Variants in PRSS23 observed in about 807,000 individuals in gnomAD.
The protein encoded by PRSS23 is serine protease 23, also known as protease, serine 23.
A neutral mutation model predicts 34.7 loss-of-function variants in PRSS23; 25 were observed. The ratio of observed to expected loss-of-function variants is 0.72; its 90% confidence interval spans 0.53 to 1.01. The LOEUF is 1.01. Among genes scored for constraint, PRSS23 ranks in the 50% least tolerant of loss-of-function variants. PRSS23 has a pLI of 0.00. For missense variants in PRSS23, 445 were observed against 475.6 expected, an observed-to-expected ratio of 0.94 and a Z score of 0.60; for synonymous variants, 176 against 186.6, an observed-to-expected ratio of 0.94 and a Z score of 0.46.
Position 86,940,415 on chromosome 11 carries a change from G to A in PRSS23, c.207-10801G>A, listed in dbSNP as rs1322908890. On this transcript the variant is annotated intron_variant, in intron 2 of 2. Coordinates refer to the PRSS23 transcript ENST00000533902. ...AGCTACAGAGGACACAATTTGTTGTGGCTTCTCTGAAAATCACCCCCTCCT... is the reference window on the plus strand; with the variant it reads ...AGCTACAGAGGACACAATTTGTTGTAGCTTCTCTGAAAATCACCCCCTCCT... Among the ~76,000 whole-genome samples, 3 of 152,076 alleles carry A rather than the reference G, an allele frequency of 2.0e-5. No individual in the cohort carries two copies. The East Asian group carries it at 5.8e-4, about 29-fold the overall frequency.
intron 2 of PRSS23, among the ~76,000 whole-genome samples, chr11:86,873,256 G>GTGTGTATATATA (rs142908794): frequency 1.7e-5 from 2 of 121,160 alleles, no homozygotes; most frequent in African/African-American, 7.2e-5. Context: ...ACATATATAT[G>GTGTGTATATATA]TATATATATA....
chr11:86,914,602 A>C (rs1256729545), intron 2 of PRSS23, among the ~76,000 whole-genome samples: 2 of 152,240 alleles, frequency 1.3e-5, no homozygotes, highest in East Asian at 3.8e-4. Flanking sequence ...ACTGTCTTTG[A>C]AAAAAGTACC....
intron 2 of PRSS23, among the ~76,000 whole-genome samples, chr11:86,886,949 T>A (rs1470673985): frequency 1.3e-5 from 2 of 151,866 alleles, no homozygotes; most frequent in African/African-American, 2.4e-5. Context: ...TCTAAAAAAA[T>A]AAATAAATAA....
chr11:86,949,610 AGAG>A (rs1949272845), intron 2 of PRSS23: 1 of 152,702 alleles, frequency 6.5e-6, no homozygotes, highest in Non-Finnish European at 1.5e-5. Flanking sequence ...TACAGTTTTA[AGAG>A]AAGTGCAATT....
intron 1 of PRSS23, among the ~76,000 whole-genome samples, chr11:86,802,148 C>T (rs1018409337): frequency 6.6e-6 from 1 of 152,188 alleles, no homozygotes; most frequent in African/African-American, 2.4e-5. Flanking sequence ...TTTCATCCAC[C>T]AGGCATTATT....
chr11:86,919,791 G>A (rs747008347), intron 2 of PRSS23, among the ~76,000 whole-genome samples: 5 of 152,132 alleles, frequency 3.3e-5, no homozygotes, highest in Non-Finnish European at 7.3e-5. Flanking sequence ...GGTTCTCCTT[G>A]AGCCATGTCT....
chr11:86,925,965 C>T (rs1414298692), intron 2 of PRSS23, among the ~76,000 whole-genome samples: 1 of 152,176 alleles, frequency 6.6e-6, no homozygotes, highest in African/African-American at 2.4e-5. Flanking sequence ...GTGACTGAGC[C>T]TCAGAGCTTT....
At chr11:86,855,582 G>A (rs912539498) in intron 2 of PRSS23, among the ~76,000 whole-genome samples, 3 of 152,126 alleles carry the variant, frequency 2.0e-5, no homozygotes, top group African/African-American at 7.2e-5. Context: ...TGCAACCTCT[G>A]CCTCCTAGTT....
chr11:86,905,086 C>A (rs181414115), intron 2 of PRSS23, among the ~76,000 whole-genome samples: 50 of 151,966 alleles, frequency 3.3e-4, no homozygotes, highest in Middle Eastern at 3.4e-3. Context: ...ACAAAAAAAC[C>A]CATTTATTTT....
intron 2 of PRSS23, among the ~76,000 whole-genome samples, chr11:86,860,583 G>A (rs552003084): frequency 2.7e-4 from 41 of 151,974 alleles, no homozygotes; most frequent in African/African-American, 9.4e-4. Flanking sequence ...TATCACAAGA[G>A]GTGTACATCC....
intron 2 of PRSS23, chr11:86,833,489 A>G (rs1948377644): frequency 3.1e-6 from 1 of 324,578 alleles, no homozygotes; most frequent in South Asian, 3.4e-5. Context: ...ATATATATAT[A>G]TTTACTGTTG....
intron 2 of PRSS23, among the ~76,000 whole-genome samples, chr11:86,874,950 C>T (rs1948712480): frequency 6.6e-6 from 1 of 152,208 alleles, no homozygotes; most frequent in Non-Finnish European, 1.5e-5. Context: ...CACATGTCTT[C>T]TCCATGTGGC....
chr11:86,875,103 A>G (rs1948713874), intron 2 of PRSS23, among the ~76,000 whole-genome samples: 1 of 152,240 alleles, frequency 6.6e-6, no homozygotes, highest in Admixed American at 6.5e-5. Context: ...ACCCAGTCTC[A>G]CAACTGCTGT....
intron 2 of PRSS23, among the ~76,000 whole-genome samples, chr11:86,941,513 T>C (rs991575280): frequency 3.9e-5 from 6 of 152,248 alleles, no homozygotes; most frequent in Admixed American, 2.6e-4. Flanking sequence ...GTAGAGGATT[T>C]GTTTTTCCAC....
At position 86,930,986 on chromosome 11, in the gene PRSS23, G is replaced by A. The variant is rs186456754; in HGVS notation, c.207-20230G>A. Among the ~76,000 whole-genome samples, 80 of 152,278 alleles carry A rather than the reference G, an allele frequency of 5.3e-4. 3 individuals carry two copies. The highest frequency in any genetic ancestry group is 2.1e-4 in the South Asian group (1 of 4,826). On this transcript the variant is annotated intron_variant, in intron 2 of 2. Transcript: ENST00000533902. ...GTGAGGGCCAAATTGTGCAGGCTAC[G>A]TGAAAAATGTCTGGACTTGCTCCTA...
At chr11:86,891,261 C>A (rs1386097294) in intron 2 of PRSS23, among the ~76,000 whole-genome samples, 1 of 152,170 alleles carries the variant, frequency 6.6e-6, no homozygotes, top group Non-Finnish European at 1.5e-5. Context: ...GGATAATTAC[C>A]TCAAGCCTAA....
At chr11:86,941,607 G>A (rs1021737400) in intron 2 of PRSS23, among the ~76,000 whole-genome samples, 2 of 152,108 alleles carry the variant, frequency 1.3e-5, no homozygotes, top group African/African-American at 2.4e-5. Flanking sequence ...GTTGGACTTC[G>A]TATTTCCTAG....
chr11:86,819,028 A>G (rs2134871026), intron 1 of PRSS23, among the ~76,000 whole-genome samples: 1 of 152,306 alleles, frequency 6.6e-6, no homozygotes, highest in East Asian at 1.9e-4. Flanking sequence ...CTGTGTCTTG[A>G]AAATGCCAAT....
chr11:86,800,684 G>C, intron 1 of PRSS23, 33 bp downstream of exon 1: 2 of 976,704 alleles, frequency 2.0e-6, no homozygotes, highest in Non-Finnish European at 2.4e-6. Flanking sequence ...GCATCCGCCC[G>C]GGCGCGGGAG....
Sources: gnomAD v4.1 joint callset for allele counts (sites outside exome capture counted in the v4.1 genomes callset) on GRCh38, gnomAD v4.1.1 for gene constraint, MANE v1.5 for transcripts, NCBI Gene and HGNC (gene_info 2026-07-23, HGNC 2026-07-21) for gene names.